The following GABRR2 variants were observed in gnomAD, a reference collection of about 807,000 sequenced individuals.
GABRR2 encodes gamma-aminobutyric acid type A receptor subunit rho2.
GABRR2 carries 36 observed loss-of-function variants against 47.0 expected under a neutral mutation model. The observed-to-expected ratio is 0.77, with a 90% CI of 0.59 to 1.01. The LOEUF is 1.01. Among genes scored for constraint, GABRR2 ranks in the 50% least tolerant of loss-of-function variants. The pLI, the probability that GABRR2 is intolerant of heterozygous loss-of-function variation, is 0.00. For synonymous variants in GABRR2, 204 were observed against 227.5 expected, an observed-to-expected ratio of 0.90 and a Z score of 0.93; for missense variants, 587 against 594.6, an observed-to-expected ratio of 0.99 and a Z score of 0.13.
intron 6 of GABRR2, among the ~76,000 whole-genome samples, chr6:89,266,506 C>G (rs1427306982): frequency 6.6e-6 from 1 of 152,158 alleles, no homozygotes; most frequent in Non-Finnish European, 1.5e-5. Context: ...AACTCCACAT[C>G]TGTCACAAAA....
chr6:89,296,016 G>C (rs1017997610), intron 2 of GABRR2, among the ~76,000 whole-genome samples: 1 of 152,190 alleles, frequency 6.6e-6, no homozygotes, highest in Admixed American at 6.5e-5. Context: ...TGCTGTTTTG[G>C]TTACTTTGGG....
chr6:89,272,441 A>T (rs982764230), intron 2 of GABRR2, among the ~76,000 whole-genome samples: 1 of 152,240 alleles, frequency 6.6e-6, no homozygotes, highest in Non-Finnish European at 1.5e-5. Flanking sequence ...TACGTAGATA[A>T]GTTCACTTTA....
intron 2 of GABRR2, among the ~76,000 whole-genome samples, chr6:89,289,525 A>G (rs1774399132): frequency 6.6e-6 from 1 of 152,210 alleles, no homozygotes; most frequent in Non-Finnish European, 1.5e-5. Context: ...ACTAAGGATA[A>G]GATTTTTTCA....
chr6:89,271,605 C>G, intron 3 of GABRR2, 50 bp downstream of exon 3: 1 of 1,506,724 alleles, frequency 6.6e-7, no homozygotes, highest in African/African-American at 1.4e-5. Flanking sequence ...ACCACCGAGG[C>G]CCACTACACT....
intron 5 of GABRR2, 70 bp from the exon 6 acceptor site, chr6:89,267,889 C>T (rs1773941085): frequency 1.3e-6 from 2 of 1,594,932 alleles, no homozygotes; most frequent in Admixed American, 1.7e-5. Flanking sequence ...ACAGGGAAAT[C>T]CTATGCCAGT....
At chr6:89,314,755 A>G (rs1050474149) in intron 1 of GABRR2, among the ~76,000 whole-genome samples, 1 of 152,238 alleles carries the variant, frequency 6.6e-6, no homozygotes, top group Non-Finnish European at 1.5e-5. Context: ...TGATTTGTAC[A>G]GAGAATGATT....
chr6:89,277,718 C>T (rs979579458), intron 2 of GABRR2, among the ~76,000 whole-genome samples: 1 of 151,990 alleles, frequency 6.6e-6, no homozygotes, highest in Non-Finnish European at 1.5e-5. Context: ...GAAAGGTGCT[C>T]AACCTCATTA....
chr6:89,292,708 T>C lies in GABRR2; in HGVS notation c.220+7051A>G, dbSNP rs199966407. ...TATCAGATATATATCGTATCTCTGA[T>C]ATATATCAGATATATATCGTATATA... On this transcript the variant is annotated intron_variant, in intron 2 of 8. Transcript: ENST00000402938. 0.015 allele frequency among the ~76,000 whole-genome samples: 2,051 copies of C among 134,384 alleles called. 374 individuals are homozygous for C. In the East Asian group the frequency reaches 0.25, roughly 16 times the overall value. The allele number at this position is 134,384 out of a possible 152,430, so 88.2% of individuals were successfully genotyped here. A position where few individuals can be genotyped will look rare whatever the true frequency, so the allele number is the denominator to read the frequency against.
At chr6:89,293,166 A>G (rs1239490568) in intron 2 of GABRR2, among the ~76,000 whole-genome samples, 1 of 152,208 alleles carries the variant, frequency 6.6e-6, no homozygotes, top group African/African-American at 2.4e-5. Context: ...TACCTTGAAG[A>G]CATTATGCTA....
At chr6:89,287,613 T>C (rs1218340686) in intron 2 of GABRR2, among the ~76,000 whole-genome samples, 1 of 152,214 alleles carries the variant, frequency 6.6e-6, no homozygotes, top group Non-Finnish European at 1.5e-5. Flanking sequence ...GAGGGACATC[T>C]GAGTCCATCC....
intron 8 of GABRR2, among the ~76,000 whole-genome samples, chr6:89,263,774 C>G (rs769586702): frequency 2.0e-5 from 3 of 152,214 alleles, no homozygotes; most frequent in African/African-American, 7.2e-5. Context: ...CCGCCCACCT[C>G]GGCCTCCCAA....
chr6:89,310,604 C>G (rs902886778), intron 1 of GABRR2, among the ~76,000 whole-genome samples: 32 of 152,120 alleles, frequency 2.1e-4, no homozygotes, highest in African/African-American at 7.7e-4. Context: ...ACCTTTATAT[C>G]TGATTCCTAA....
chr6:89,299,369 C>A lies in GABRR2; in HGVS notation c.220+390G>T, dbSNP rs113604119. Among the ~76,000 whole-genome samples, 1,488 of 152,236 alleles carry A rather than the reference C, an allele frequency of 9.8e-3. 21 individuals carry two copies. Among genetic ancestry groups the A allele is most frequent in the African/African-American group, 0.034 (1,421 of 41,530 alleles). The stretch of plus-strand genomic sequence containing the variant: ...ATGCCAAAATAGTGCAGAGGGAGGG[C>A]CACACTAGGACTTTTGAGGATCCTG... On this transcript the variant is annotated intron_variant, in intron 2 of 8. Coordinates refer to ENST00000402938, the MANE Select transcript of GABRR2 (RefSeq NM_002043.5).
At chr6:89,260,627 A>T (rs978701650) in intron 8 of GABRR2, among the ~76,000 whole-genome samples, 12 of 152,176 alleles carry the variant, frequency 7.9e-5, no homozygotes, top group African/African-American at 2.9e-4. Flanking sequence ...ACAGAGTGGA[A>T]ATCACACTTC....
At chr6:89,265,163 G>C (rs1161082459) in intron 7 of GABRR2, among the ~76,000 whole-genome samples, 22 of 152,142 alleles carry the variant, frequency 1.4e-4, no homozygotes, top group Admixed American at 1.4e-3. Flanking sequence ...TTCAGGGTCT[G>C]TAAAAGGCTA....
chr6:89,310,924 A>G (rs1320877906), intron 1 of GABRR2, among the ~76,000 whole-genome samples: 1 of 152,200 alleles, frequency 6.6e-6, no homozygotes, highest in Non-Finnish European at 1.5e-5. Context: ...GCTTTTAGAC[A>G]AGCCTATTAT....
intron 2 of GABRR2, among the ~76,000 whole-genome samples, chr6:89,290,299 A>G (rs1226089657): frequency 1.3e-5 from 2 of 152,182 alleles, no homozygotes; most frequent in African/African-American, 4.8e-5. Flanking sequence ...TTTTCCTGCC[A>G]CAGCAGGTCC....
intron 1 of GABRR2, among the ~76,000 whole-genome samples, chr6:89,306,667 C>G (rs191356010): frequency 6.6e-6 from 1 of 152,184 alleles, no homozygotes; most frequent in Non-Finnish European, 1.5e-5. Flanking sequence ...GAGTGATTCT[C>G]TCTTCTTTCT....
chr6:89,271,738 G>A lies in GABRR2; in HGVS notation c.221-16C>T, dbSNP rs1181008185. 6.2e-7 allele frequency: 1 copy of A among 1,608,460 alleles called. No homozygotes were observed. The highest frequency in any genetic ancestry group is 8.5e-7 in the Non-Finnish European group (1 of 1,177,248). On this transcript the variant is annotated splice_polypyrimidine_tract_variant and intron_variant, in intron 2 of 8. Transcript: ENST00000402938. ...ATGGCAGGGCCTGCAGAAGAGCAGA[G>A]ACAGCTGGTTAAGGCACCTTCCTCT...
Sources: allele counts gnomAD v4.1 joint callset (sites outside exome capture counted in the v4.1 genomes callset), GRCh38; gene constraint gnomAD v4.1.1; transcripts MANE v1.5; gene names NCBI Gene and HGNC (gene_info 2026-07-23, HGNC 2026-07-21).